C12orf42: variants seen among roughly 807,000 people sequenced by gnomAD.
C12orf42 encodes chromosome 12 open reading frame 42.
A neutral mutation model predicts 21.6 loss-of-function variants in C12orf42; 25 were observed. That is an observed-to-expected ratio of 1.16 (90% CI 0.84 to 1.62). The LOEUF (loss-of-function observed/expected upper bound fraction) is 1.62, where lower values mean the gene tolerates loss of function less well. C12orf42 is among the 40% of genes most tolerant of loss of function. The pLI, the probability that C12orf42 is intolerant of heterozygous loss-of-function variation, is 0.00. For synonymous variants in C12orf42, 174 were observed against 175.0 expected (o/e 0.99, Z 0.05); for missense variants, 483 against 459.3 (o/e 1.05, Z -0.47).
chr12:103,433,285 G>A (rs1324301067), intron 2 of C12orf42, among the ~76,000 whole-genome samples: 1 of 152,118 alleles, frequency 6.6e-6, no homozygotes, highest in African/African-American at 2.4e-5. Context: ...TACAAATACT[G>A]TAGCTAATAA....
At chr12:103,165,744 A>C in the C12orf42 span, among the ~76,000 whole-genome samples, 6 of 152,198 alleles carry the variant, frequency 3.9e-5, no homozygotes, top group Admixed American at 3.3e-4. Context: ...CACAGTGCGC[A>C]TAAAGAATGA....
At chr12:103,239,575 A>T (rs1443186282) in intron 10 of C12orf42, among the ~76,000 whole-genome samples, 3 of 152,158 alleles carry the variant, frequency 2.0e-5, no homozygotes, top group African/African-American at 7.2e-5. Context: ...TTCCTACCAT[A>T]ACAGAATCTC....
chr12:103,294,486 C>CAAGCAAGCAAGAAAGA (rs1555245981), intron 4 of C12orf42, among the ~76,000 whole-genome samples: 8 of 94,814 alleles, frequency 8.4e-5, no homozygotes, highest in African/African-American at 2.6e-4. Context: ...AGCAAGCAAG[C>CAAGCAAGCAAGAAAGA]AAGAAAGAAA....
intron 10 of C12orf42, among the ~76,000 whole-genome samples, chr12:103,238,476 C>T (rs1228107938): frequency 2.6e-5 from 4 of 152,134 alleles, no homozygotes; most frequent in African/African-American, 9.7e-5. Context: ...ACAAGAATCC[C>T]CCAGAAAATG....
At chr12:103,294,628 G>GAAAGAA (rs1566026125) in intron 4 of C12orf42, among the ~76,000 whole-genome samples, 20 of 146,616 alleles carry the variant, frequency 1.4e-4, no homozygotes, top group African/African-American at 4.8e-4. Context: ...AAGAAAGAAA[G>GAAAGAA]AAAGAAAGAA....
At chr12:103,151,743 A>C in the C12orf42 span, 1 of 152,230 alleles carries the variant, frequency 6.6e-6, no homozygotes, top group South Asian at 2.1e-4. Flanking sequence ...TAGATACATT[A>C]GTTAATAAAG....
chr12:103,090,079 A>G, the C12orf42 span, among the ~76,000 whole-genome samples: 28 of 152,224 alleles, frequency 1.8e-4, 1 homozygote, highest in African/African-American at 6.7e-4. Context: ...TAGATGAACT[A>G]TTCTGAAGAT....
At chr12:103,435,081 G>A (rs1384655754) in intron 2 of C12orf42, among the ~76,000 whole-genome samples, 8 of 152,126 alleles carry the variant, frequency 5.3e-5, no homozygotes, top group Non-Finnish European at 1.0e-4. Context: ...CTCCTCAAGT[G>A]GGTCCCTGAC....
chr12:103,244,553 A>G (rs942694466), intron 10 of C12orf42, among the ~76,000 whole-genome samples: 3 of 140,148 alleles, frequency 2.1e-5, no homozygotes, highest in Non-Finnish European at 3.1e-5. Context: ...GCATTCTTTG[A>G]AAAAAAAAAA....
chr12:103,407,728 C>T (rs2048531010), intron 2 of C12orf42, among the ~76,000 whole-genome samples: 1 of 152,142 alleles, frequency 6.6e-6, no homozygotes, highest in Admixed American at 6.5e-5. Flanking sequence ...GCACCCCAAC[C>T]TTCATGCTGT....
rs558603788 is a variant in C12orf42, at chr12:103,402,177, C to A, written c.79-502G>T. Among the ~76,000 whole-genome samples the A allele has an allele frequency of 2.0e-5, 3 of 152,234 alleles. No homozygotes were observed. The East Asian group carries it at 5.8e-4, about 29-fold the overall frequency. ...AAGTCACTTATTTGGAGTTGCTTGGCACGTAGAATTATCATTGTAGAAACC... is the reference window on the plus strand; with the variant it reads ...AAGTCACTTATTTGGAGTTGCTTGGAACGTAGAATTATCATTGTAGAAACC... On this transcript the variant is annotated intron_variant, in intron 2 of 5. Transcript: ENST00000548883.
the C12orf42 span, among the ~76,000 whole-genome samples, chr12:103,100,585 C>G: frequency 2.6e-5 from 4 of 152,260 alleles, no homozygotes; most frequent in South Asian, 8.3e-4. Flanking sequence ...TGCATGAATG[C>G]CTTCCCCTGT....
chr12:103,392,087 G>T (rs1342875971), intron 3 of C12orf42, among the ~76,000 whole-genome samples: 2 of 152,086 alleles, frequency 1.3e-5, no homozygotes, highest in Non-Finnish European at 2.9e-5. Context: ...AAAACTCCTT[G>T]CTCCATTGAA....
At chr12:103,450,318 G>C (rs1399273238) in intron 2 of C12orf42, among the ~76,000 whole-genome samples, 4 of 151,936 alleles carry the variant, frequency 2.6e-5, no homozygotes, top group Non-Finnish European at 5.9e-5. Flanking sequence ...TTTAATTTTT[G>C]ATATCAAGAT....
the C12orf42 span, among the ~76,000 whole-genome samples, chr12:103,177,523 G>T: frequency 6.6e-6 from 1 of 152,146 alleles, no homozygotes; most frequent in Admixed American, 6.6e-5. Flanking sequence ...CAAAGCTTGA[G>T]AAACAGAAAA....
the C12orf42 span, among the ~76,000 whole-genome samples, chr12:103,189,971 G>GTGTA: frequency 3.1e-3 from 469 of 150,884 alleles, 1 homozygote; most frequent in African/African-American, 0.011. Flanking sequence ...ATATACATGT[G>GTGTA]TATATATATA....
chr12:103,294,442 G>T (rs1199253755), intron 4 of C12orf42, among the ~76,000 whole-genome samples: 31 of 109,948 alleles, frequency 2.8e-4, no homozygotes, highest in Admixed American at 6.2e-4. Context: ...AAGAAAGAAA[G>T]AAAGAAAGAA....
At chr12:103,548,604 G>A in the C12orf42 span, 1 of 152,152 alleles carries the variant, frequency 6.6e-6, no homozygotes, top group Admixed American at 6.5e-5. Flanking sequence ...AGTAGCTATT[G>A]ATAGAATGAA....
At chr12:103,484,857 G>A (rs1182043575) in intron 1 of C12orf42, among the ~76,000 whole-genome samples, 3 of 139,136 alleles carry the variant, frequency 2.2e-5, no homozygotes. Context: ...AAGGGATCTG[G>A]TTTCAGTTTT....
Sources: gnomAD v4.1 joint callset for allele counts (sites outside exome capture counted in the v4.1 genomes callset) on GRCh38, gnomAD v4.1.1 for gene constraint, MANE v1.5 for transcripts, NCBI Gene and HGNC (gene_info 2026-07-23, HGNC 2026-07-21) for gene names.